Variants in PRKCE observed in about 807,000 individuals in gnomAD.
PRKCE encodes protein kinase C epsilon.
A neutral mutation model predicts 85.4 loss-of-function variants in PRKCE; 16 were observed. That is an observed-to-expected ratio of 0.19 (90% CI 0.13 to 0.28). PRKCE has a LOEUF of 0.28. Ranked by LOEUF, PRKCE falls within the 10% of genes least tolerant of loss-of-function variation. The probability of loss-of-function intolerance (pLI) is 1.00; values close to 1 mark genes in which losing one functional copy is unlikely to be tolerated. For synonymous variants in PRKCE, 388 were observed against 371.5 expected, an observed-to-expected ratio of 1.04 and a Z score of -0.51; for missense variants, 573 against 975.2, an observed-to-expected ratio of 0.59 and a Z score of 5.49.
chr2:45,704,341 CT>C (rs1411587619), intron 1 of PRKCE, among the ~76,000 whole-genome samples: 1 of 152,198 alleles, frequency 6.6e-6, no homozygotes, highest in Non-Finnish European at 1.5e-5. Context: ...TCTGTACCTT[CT>C]GTGTCCCTCC....
intron 12 of PRKCE, among the ~76,000 whole-genome samples, chr2:46,146,930 G>T (rs569590137): frequency 9.1e-4 from 139 of 152,284 alleles, no homozygotes; most frequent in African/African-American, 3.2e-3. Flanking sequence ...AGGATCTGTG[G>T]ACCCACTCAG....
chr2:45,757,021 C>A (rs551693032), intron 1 of PRKCE, among the ~76,000 whole-genome samples: 1 of 152,150 alleles, frequency 6.6e-6, no homozygotes, highest in South Asian at 2.1e-4. Flanking sequence ...GAGGCCGAGG[C>A]GGGTGGATCA....
intron 10 of PRKCE, among the ~76,000 whole-genome samples, chr2:46,051,528 T>C (rs968676253): frequency 6.6e-6 from 1 of 152,246 alleles, no homozygotes; most frequent in African/African-American, 2.4e-5. Flanking sequence ...TTAAGGTGGC[T>C]CTGCTCTCCT....
intron 1 of PRKCE, among the ~76,000 whole-genome samples, chr2:45,717,082 G>T (rs1446786093): frequency 1.3e-5 from 2 of 152,122 alleles, no homozygotes; most frequent in Non-Finnish European, 2.9e-5. Flanking sequence ...GCCAAACCAT[G>T]TCACATGGTG....
chr2:45,692,942 G>T (rs1019544599), intron 1 of PRKCE, among the ~76,000 whole-genome samples: 4 of 152,184 alleles, frequency 2.6e-5, no homozygotes, highest in African/African-American at 9.7e-5. Context: ...TGCACTTTTG[G>T]TCTGGCCTGG....
chr2:45,846,743 C>A (rs1484986888), intron 2 of PRKCE, among the ~76,000 whole-genome samples: 1 of 152,134 alleles, frequency 6.6e-6, no homozygotes, highest in African/African-American at 2.4e-5. Flanking sequence ...GAAATCCTGG[C>A]TCTAGTGTTT....
chr2:45,753,754 C>T lies in PRKCE; in HGVS notation c.349-89246C>T, dbSNP rs1245298273. 1.3e-5 allele frequency among the ~76,000 whole-genome samples: 2 copies of T among 152,282 alleles called. 1 individual carries two copies. Among genetic ancestry groups the T allele is most frequent in the South Asian group, 4.1e-4 (2 of 4,824 alleles). On this transcript the variant is annotated intron_variant, in intron 1 of 14. Coordinates refer to ENST00000306156, the MANE Select transcript of PRKCE (RefSeq NM_005400.3). ...ATGTCCCCATCATCTAGATTTTTAA[C>T]ATTTTTGCTTCATCTTTTTCTTGCG...
Position 46,001,328 on chromosome 2 carries a change from A to G in PRKCE, c.824-76A>G. The G allele has an allele frequency of 7.1e-7, 1 of 1,410,864 alleles. No homozygotes were observed. The highest frequency in any genetic ancestry group is 1.4e-5 in the African/African-American group (1 of 69,452). 87.4% of individuals were successfully genotyped at this position (1,410,864 alleles called of 1,614,324 possible). A position where few individuals can be genotyped will look rare whatever the true frequency, so the allele number is the denominator to read the frequency against. On this transcript the variant is annotated intron_variant, in intron 6 of 14. Coordinates refer to ENST00000306156, the MANE Select transcript of PRKCE (RefSeq NM_005400.3). This position sits in a 1 kb window ranked among gnomAD's most constrained non-coding sequence, Gnocchi z 4.4. ...AACATGTAATACTTCATGAACATAT[A>G]ATACAATCTCAAAGAAAAGAAGCAA...
intron 2 of PRKCE, among the ~76,000 whole-genome samples, chr2:45,901,822 G>A (rs1163531919): frequency 6.6e-6 from 1 of 152,174 alleles, no homozygotes; most frequent in Non-Finnish European, 1.5e-5. Context: ...GCTGGCCTTG[G>A]TTTGTGATGA....
intron 5 of PRKCE, among the ~76,000 whole-genome samples, chr2:45,982,376 C>T (rs1339739392): frequency 6.6e-6 from 1 of 152,204 alleles, no homozygotes. Flanking sequence ...TCAATGCCCT[C>T]CTTCCTATTA....
intron 11 of PRKCE, among the ~76,000 whole-genome samples, chr2:46,098,402 A>G (rs187947687): frequency 6.6e-6 from 1 of 152,362 alleles, no homozygotes; most frequent in Admixed American, 6.5e-5. Context: ...GTTCTAGTAC[A>G]GAGTAATTGC....
intron 2 of PRKCE, among the ~76,000 whole-genome samples, chr2:45,959,968 T>G (rs1387064352): frequency 2.0e-5 from 3 of 152,234 alleles, no homozygotes; most frequent in Non-Finnish European, 4.4e-5. Context: ...GAACTTCTTG[T>G]CAGACCCCAT....
intron 1 of PRKCE, among the ~76,000 whole-genome samples, chr2:45,684,836 C>G (rs1351793393): frequency 6.6e-6 from 1 of 152,164 alleles, no homozygotes; most frequent in Admixed American, 6.5e-5. Context: ...TGTCCCCAGT[C>G]AACCCCATTT....
chr2:46,004,690 C>T lies in PRKCE; in HGVS notation c.1063+52C>T. On this transcript the variant is annotated intron_variant, in intron 8 of 14. Coordinates refer to ENST00000306156, the MANE Select transcript of PRKCE (RefSeq NM_005400.3). The surrounding 1 kb of genome is among the most constrained non-coding windows in gnomAD (Gnocchi z 4.1). ...CCTCTGAGTTCTGCCATTGGATGGACCAAGGAGCTCTGAGGCCTCTTTAAC... is the reference window on the plus strand; with the variant it reads ...CCTCTGAGTTCTGCCATTGGATGGATCAAGGAGCTCTGAGGCCTCTTTAAC... 1 of 1,447,006 alleles carries T rather than the reference C, an allele frequency of 6.9e-7. No individual in the cohort carries two copies. Among genetic ancestry groups the T allele is most frequent in the Non-Finnish European group, 9.4e-7 (1 of 1,063,932 alleles). 89.6% of individuals were successfully genotyped at this position (1,447,006 alleles called of 1,614,324 possible). A position where few individuals can be genotyped will look rare whatever the true frequency, so the allele number is the denominator to read the frequency against.
At chr2:46,057,998 C>T (rs1411669957) in intron 10 of PRKCE, among the ~76,000 whole-genome samples, 1 of 152,232 alleles carries the variant, frequency 6.6e-6, no homozygotes, top group Non-Finnish European at 1.5e-5. Context: ...TTGGTCAGAC[C>T]TCAGGAGTTA....
Position 46,037,117 on chromosome 2 carries a change from T to C in PRKCE, c.1437+26600T>C, listed in dbSNP as rs147397737. On this transcript the variant is annotated intron_variant, in intron 10 of 14. Coordinates refer to ENST00000306156, the MANE Select transcript of PRKCE (RefSeq NM_005400.3). ...GATTTTCCTGTACCCATTCCAGTGA[T>C]GACTATCACTCTGCCAGGGCCCCCT... is the stretch of plus-strand genomic sequence containing the variant. Among the ~76,000 whole-genome samples, 484 of 152,300 alleles carry C rather than the reference T, an allele frequency of 3.2e-3. 3 individuals are homozygous for C. Among genetic ancestry groups the C allele is most frequent in the African/African-American group, 0.011 (448 of 41,578 alleles).
At chr2:45,729,378 T>C (rs2104532383) in intron 1 of PRKCE, among the ~76,000 whole-genome samples, 1 of 152,308 alleles carries the variant, frequency 6.6e-6, no homozygotes, top group Admixed American at 6.5e-5. Flanking sequence ...TGCATCCTCT[T>C]TATTATCAAA....
At position 45,859,748 on chromosome 2, in the gene PRKCE, C is replaced by T. The variant is rs13383670; in HGVS notation, c.412+16685C>T. Among the ~76,000 whole-genome samples the T allele has an allele frequency of 5.5e-3, 835 of 152,210 alleles. 8 individuals are homozygous for T. Among genetic ancestry groups the T allele is most frequent in the African/African-American group, 0.019 (774 of 41,532 alleles). On this transcript the variant is annotated intron_variant, in intron 2 of 14. Coordinates refer to ENST00000306156, the MANE Select transcript of PRKCE (RefSeq NM_005400.3). ...CTATGGTTATCTGATACATAGATAT[C>T]CAAAGAATGAAACTTGGTGGATCTT...
chr2:46,094,829 C>A (rs1296115433), intron 11 of PRKCE, among the ~76,000 whole-genome samples: 1 of 151,462 alleles, frequency 6.6e-6, no homozygotes, highest in East Asian at 1.9e-4. Flanking sequence ...AAAGCATTTT[C>A]ACTCAATTTT....
Sources: allele counts gnomAD v4.1 joint callset (sites outside exome capture counted in the v4.1 genomes callset), GRCh38; gene constraint gnomAD v4.1.1; non-coding constraint Gnocchi (gnomAD v3.1); transcripts MANE v1.5; gene names NCBI Gene and HGNC (gene_info 2026-07-23, HGNC 2026-07-21).